The following HPGDS variants were observed in gnomAD, a reference collection of about 807,000 sequenced individuals.
HPGDS encodes the protein GST class-sigma.
HPGDS carries 26 observed loss-of-function variants against 23.1 expected under a neutral mutation model. The observed-to-expected ratio is 1.13, with a 90% confidence interval of 0.83 to 1.56. HPGDS has a LOEUF of 1.56. Among genes scored for constraint, HPGDS ranks in the 40% most tolerant of loss-of-function variants. The pLI, the probability that HPGDS is intolerant of heterozygous loss-of-function variation, is 0.00. For synonymous variants in HPGDS, 95 were observed against 77.9 expected (o/e 1.22, Z -1.16); for missense variants, 268 against 236.4 (o/e 1.13, Z -0.88).
intron 3 of HPGDS, among the ~76,000 whole-genome samples, chr4:94,313,994 C>A (rs1272998637): frequency 1.3e-5 from 2 of 152,178 alleles, no homozygotes; most frequent in African/African-American, 2.4e-5. Context: ...TCCATCAGGT[C>A]CTTTAAGGAC....
At chr4:94,322,370 C>T (rs999469090) in intron 2 of HPGDS, among the ~76,000 whole-genome samples, 1 of 152,128 alleles carries the variant, frequency 6.6e-6, no homozygotes, top group African/African-American at 2.4e-5. Flanking sequence ...TGGTAGAATT[C>T]AGCTGTGAAT....
At position 94,298,719 on chromosome 4, in the gene HPGDS, T is replaced by C. The variant is rs1427792511; in HGVS notation, c.*761A>G. On this transcript the variant is annotated 3_prime_UTR_variant, in exon 6 of 6. Coordinates refer to ENST00000295256, the MANE Select transcript of HPGDS (RefSeq NM_014485.3). Reference sequence around the variant, plus strand: ...TTTCTCATCACAACAACTTTATTCATGTCAGTAAATTCATCTTTACAAGTT... The same window carrying C: ...TTTCTCATCACAACAACTTTATTCACGTCAGTAAATTCATCTTTACAAGTT... 1 of 152,248 alleles carries C rather than the reference T, an allele frequency of 6.6e-6. No individual in the cohort carries two copies. The highest frequency in any genetic ancestry group is 1.5e-5 in the Non-Finnish European group (1 of 68,042). 9.4% of individuals were successfully genotyped at this position (152,248 alleles called of 1,614,324 possible).
At chr4:94,302,420 T>A (rs1756061765) in intron 4 of HPGDS, among the ~76,000 whole-genome samples, 176 bp from the exon 5 acceptor site, 1 of 152,180 alleles carries the variant, frequency 6.6e-6, no homozygotes, top group South Asian at 2.1e-4. Context: ...TCTCTATAGA[T>A]GTGAGTCATC....
chr4:94,301,596 C>G (rs1756041595), intron 5 of HPGDS, among the ~76,000 whole-genome samples: 2 of 152,140 alleles, frequency 1.3e-5, no homozygotes, highest in Admixed American at 1.3e-4. Context: ...CCTTACATCT[C>G]TATCTCCGTT....
chr4:94,314,166 G>C (rs1464601688), intron 3 of HPGDS, among the ~76,000 whole-genome samples: 5 of 152,194 alleles, frequency 3.3e-5, no homozygotes, highest in Non-Finnish European at 7.3e-5. Context: ...GTCCAGCTTT[G>C]TTCCATTGCT....
intron 3 of HPGDS, among the ~76,000 whole-genome samples, chr4:94,314,793 C>T (rs565437238): frequency 3.5e-4 from 54 of 152,304 alleles, no homozygotes; most frequent in African/African-American, 1.0e-3. Context: ...CCACCCCTTT[C>T]GAGCTTCCTG....
intron 3 of HPGDS, among the ~76,000 whole-genome samples, chr4:94,313,319 G>T (rs942840841): frequency 1.6e-4 from 25 of 152,274 alleles, no homozygotes; most frequent in African/African-American, 4.3e-4. Context: ...AGGAGCTCTT[G>T]TAGGGCAGGC....
intron 3 of HPGDS, 97 bp from the exon 4 acceptor site, chr4:94,308,840 G>A: frequency 3.2e-6 from 2 of 622,604 alleles, no homozygotes; most frequent in Non-Finnish European, 5.7e-6. Context: ...AAAATTCAAA[G>A]AGTGTAAAAC....
chr4:94,326,492 A>G (rs1008678315), intron 2 of HPGDS, among the ~76,000 whole-genome samples: 1 of 152,090 alleles, frequency 6.6e-6, no homozygotes, highest in African/African-American at 2.4e-5. Flanking sequence ...GACCTAGTCT[A>G]TTGAAGCTCT....
At chr4:94,340,037 C>T (rs533264904) in intron 1 of HPGDS, among the ~76,000 whole-genome samples, 2 of 152,184 alleles carry the variant, frequency 1.3e-5, no homozygotes, top group South Asian at 4.2e-4. Flanking sequence ...CTGAAATCTC[C>T]GCCTCCTGGG....
chr4:94,310,436 GT>G (rs1756240838), intron 3 of HPGDS, among the ~76,000 whole-genome samples: 1 of 152,122 alleles, frequency 6.6e-6, no homozygotes, highest in South Asian at 2.1e-4. Context: ...AGATCAGATG[GT>G]TGTAGATGTG....
In HPGDS at chr4:94,302,255, G is replaced by C. The variant is rs775200496; in HGVS notation, c.337-11C>G. 22 of 1,573,150 alleles carry C rather than the reference G, an allele frequency of 1.4e-5. No individual in the cohort carries two copies. In the South Asian group the frequency reaches 2.5e-4, roughly 18 times the overall value. ...ATTGAACATCTGCTCCTAGGAGAAG[G>C]AGAAAATATCACTTTAAGAATAATG... On this transcript the variant is annotated splice_polypyrimidine_tract_variant and intron_variant, in intron 4 of 5. Coordinates refer to ENST00000295256, the MANE Select transcript of HPGDS (RefSeq NM_014485.3).
intron 2 of HPGDS, among the ~76,000 whole-genome samples, chr4:94,332,710 A>G (rs1290362084): frequency 6.6e-6 from 1 of 152,172 alleles, no homozygotes; most frequent in Non-Finnish European, 1.5e-5. Context: ...TTCTCCATCA[A>G]CATTTTTCTA....
chr4:94,299,805 C>G (rs1334638534), intron 5 of HPGDS, among the ~76,000 whole-genome samples, 161 bp from the exon 6 acceptor site: 3 of 152,146 alleles, frequency 2.0e-5, no homozygotes, highest in Non-Finnish European at 4.4e-5. Flanking sequence ...TTACTGATAT[C>G]ACACTCCAGC....
intron 2 of HPGDS, among the ~76,000 whole-genome samples, chr4:94,330,089 T>C (rs1296968510): frequency 6.6e-6 from 1 of 152,198 alleles, no homozygotes; most frequent in Non-Finnish European, 1.5e-5. Flanking sequence ...AGGAACTTGT[T>C]TGGAGGATAC....
intron 1 of HPGDS, among the ~76,000 whole-genome samples, chr4:94,338,799 C>G (rs1721073808): frequency 1.3e-5 from 2 of 152,112 alleles, no homozygotes; most frequent in South Asian, 2.1e-4. Flanking sequence ...GGGAGCGACA[C>G]AGCATCCATT....
intron 3 of HPGDS, 126 bp from the exon 4 acceptor site, chr4:94,308,869 G>A (rs1373353650): frequency 1.6e-5 from 8 of 490,464 alleles, no homozygotes; most frequent in Non-Finnish European, 2.9e-5. Flanking sequence ...GTGAAGACTA[G>A]CTTCCATCCA....
chr4:94,339,706 T>A (rs1483534338), intron 1 of HPGDS, among the ~76,000 whole-genome samples: 1 of 152,194 alleles, frequency 6.6e-6, no homozygotes, highest in African/African-American at 2.4e-5. Context: ...TAGCTTTTTT[T>A]TACTTTATAG....
chr4:94,303,497 A>C (rs538113731), intron 4 of HPGDS, among the ~76,000 whole-genome samples: 31 of 152,216 alleles, frequency 2.0e-4, no homozygotes, highest in African/African-American at 7.2e-4. Flanking sequence ...AGATTTAAAA[A>C]CCGAAGCTTA....
Sources: gnomAD v4.1 joint callset for allele counts (sites outside exome capture counted in the v4.1 genomes callset) on GRCh38, gnomAD v4.1.1 for gene constraint, MANE v1.5 for transcripts, NCBI Gene and HGNC (gene_info 2026-07-23, HGNC 2026-07-21) for gene names.